The following GPR35 variants were observed in gnomAD, a reference collection of about 807,000 sequenced individuals.
GPR35 encodes KYNA receptor.
For synonymous variants in GPR35, 207 were observed against 198.4 expected, an observed-to-expected ratio of 1.04 and a Z score of -0.36; for missense variants, 372 against 422.5, an observed-to-expected ratio of 0.88 and a Z score of 1.05.
Position 240,630,565 on chromosome 2 carries a change from G to T in GPR35, c.613G>T (p.Asp205Tyr). ...TGCCCTGGCCCAGAGGCCACCCACC[G>T]ACGTGGGGCAGGCAGAGGCCACCCG... ...VTALAQRPPT[D>Y]VGQAEATRKA... Residue 205 changes from aspartate (D) to tyrosine (Y), a missense_variant, in exon 2 of 2, where the codon GAC becomes TAC. Asp to Tyr is a radical substitution (Grantham distance 160, BLOSUM62 -3). Transcript: ENST00000407714. 1 of 1,612,800 alleles carries T rather than the reference G, an allele frequency of 6.2e-7. No individual in the cohort carries two copies. Among genetic ancestry groups the T allele is most frequent in the Non-Finnish European group, 8.5e-7 (1 of 1,179,910 alleles).
At position 240,614,193 on chromosome 2, in the gene GPR35, C is replaced by G. The variant is rs778910276; in HGVS notation, c.-576-2195C>G. ...CAACCCAAACCCTAATCCTAAGTCT[C>G]ATGTTGACCATAACCTGGCTCAAAC... On this transcript the variant is annotated intron_variant, in intron 2 of 5. Coordinates refer to the GPR35 transcript ENST00000319838. Among the ~76,000 whole-genome samples, 4 of 152,148 alleles carry G rather than the reference C, an allele frequency of 2.6e-5. No individual in the cohort carries two copies. In the East Asian group the frequency reaches 7.7e-4, roughly 29 times the overall value.
At chr2:240,622,294 A>T (rs76463837), upstream of GPR35, among the ~76,000 whole-genome samples, 4,376 of 152,284 alleles carry the variant, frequency 0.029, 309 homozygotes, top group East Asian at 0.3. Context: ...AGCTGTAAAC[A>T]TCGTATGACC....
At position 240,630,602 on chromosome 2, in the gene GPR35, G is replaced by T. The variant is rs140850565; in HGVS notation, c.650G>T (p.Arg217Leu). 8 of 1,612,768 alleles carry T rather than the reference G, an allele frequency of 5.0e-6. No individual in the cohort carries two copies. Among genetic ancestry groups the T allele is most frequent in the South Asian group, 1.1e-5 (1 of 91,076 alleles). Residue 217 changes from arginine (R) to leucine (L), a missense_variant, in exon 2 of 2, where the codon CGC becomes CTC. Coordinates refer to ENST00000407714, the MANE Select transcript of GPR35 (RefSeq NM_005301.5). ...GCAGAGGCCACCCGCAAGGCTGCCC[G>T]CATGGTCTGGGCCAACCTCCTGGTG... ...GQAEATRKAA[R>L]MVWANLLVFV...
upstream of GPR35, among the ~76,000 whole-genome samples, chr2:240,623,087 A>G (rs184858032): frequency 8.9e-3 from 1,362 of 152,258 alleles, 18 homozygotes; most frequent in African/African-American, 0.03. Flanking sequence ...ACGACGACTG[A>G]GCACCTGATA....
At chr2:240,623,414 A>ATCGTGAGGGCGCAAACAGG (rs1559437664), upstream of GPR35, among the ~76,000 whole-genome samples, 2 of 28,212 alleles carry the variant, frequency 7.1e-5, no homozygotes, top group African/African-American at 1.4e-4. Context: ...GCGCAAACAG[A>ATCGTGAGGGCGCAAACAGG]TCGTGAGGGC....
Position 240,630,234 on chromosome 2 carries a change from C to T in GPR35, c.282C>T (p.Gly94=), listed in dbSNP as rs545267498. The T allele has an allele frequency of 1.9e-6, 3 of 1,566,030 alleles. No homozygotes were observed. The highest frequency in any genetic ancestry group is 1.7e-5 in the Admixed American group (1 of 58,520). The part of the protein sequence containing the change: ...SDTPLCQLSQ[G]IYLTNRYMSI... ...CGCCGCTGTGCCAGCTCTCCCAGGGCATCTACCTGACCAACAGGTACATGA... is the reference window on the plus strand; with the variant it reads ...CGCCGCTGTGCCAGCTCTCCCAGGGTATCTACCTGACCAACAGGTACATGA... Residue 94 remains glycine (G), a synonymous_variant, in exon 2 of 2, where the codon GGC becomes GGT. Coordinates refer to ENST00000407714, the MANE Select transcript of GPR35 (RefSeq NM_005301.5).
At chr2:240,625,422 C>T (rs745402783), upstream of GPR35, 5 of 985,424 alleles carry the variant, frequency 5.1e-6, no homozygotes, top group African/African-American at 7.0e-5. Flanking sequence ...CCCGCCCCCC[C>T]ACCTTAAGGA....
At chr2:240,612,287 T>C (rs1337161230) in intron 2 of GPR35, among the ~76,000 whole-genome samples, 2 of 146,836 alleles carry the variant, frequency 1.4e-5, no homozygotes, top group Admixed American at 6.7e-5. Context: ...ATTAGCCGGG[T>C]GTGGTGGCGG....
chr2:240,622,811 G>C (rs1232874231), upstream of GPR35, among the ~76,000 whole-genome samples: 4 of 152,234 alleles, frequency 2.6e-5, no homozygotes, highest in African/African-American at 9.6e-5. Flanking sequence ...GGGTGAGGGG[G>C]CAGCCTCGGA....
At chr2:240,620,541 C>T (rs1559436085), upstream of GPR35, among the ~76,000 whole-genome samples, 1 of 152,092 alleles carries the variant, frequency 6.6e-6, no homozygotes, top group Non-Finnish European at 1.5e-5. Context: ...CCCCTCCTGC[C>T]CCCATCGTGG....
upstream of GPR35, among the ~76,000 whole-genome samples, chr2:240,624,258 G>A (rs192929918): frequency 1.7e-3 from 212 of 121,972 alleles, 1 homozygote; most frequent in African/African-American, 5.2e-3. Flanking sequence ...CCTCCTGCCC[G>A]AGGATGAGGC....
intron 2 of GPR35, among the ~76,000 whole-genome samples, chr2:240,613,140 CAAG>C (rs542314420): frequency 5.9e-4 from 90 of 152,302 alleles, no homozygotes; most frequent in African/African-American, 2.1e-3. Flanking sequence ...GCTCAGTAAA[CAAG>C]AGCTCCAGAA....
intron 2 of GPR35, among the ~76,000 whole-genome samples, chr2:240,611,821 G>A (rs559185650): frequency 1.2e-4 from 18 of 152,316 alleles, no homozygotes; most frequent in Admixed American, 9.8e-4. Flanking sequence ...AAGGGCAGAG[G>A]GGTGACTGTT....
intron 5 of GPR35, among the ~76,000 whole-genome samples, chr2:240,619,411 G>A (rs2043269545): frequency 6.6e-6 from 1 of 152,260 alleles, no homozygotes. Flanking sequence ...CGGAGGAAGT[G>A]TCTCTGAAGG....
intron 3 of GPR35, chr2:240,616,856 A>G: frequency 1.4e-6 from 1 of 716,368 alleles, no homozygotes; most frequent in South Asian, 1.5e-5. Context: ...GGGTAGCCAG[A>G]TGCCATGCTG....
chr2:240,630,052 G>A lies in GPR35; in HGVS notation c.100G>A (p.Gly34Ser), dbSNP rs149363263. Residue 34 changes from glycine to serine, a missense_variant, in exon 2 of 2, where the codon GGC (glycine) becomes AGC (serine). Physicochemically the swap from Gly to Ser is moderately conservative, Grantham distance 56. Transcript: ENST00000407714. ...YAYLGVLLVL[G>S]LLLNSLALWV... The stretch of plus-strand genomic sequence containing the variant: ...CTACTTGGGCGTCCTGCTGGTGCTA[G>A]GCCTGCTGCTCAACAGCCTGGCGCT... The A allele has an allele frequency of 6.8e-6, 11 of 1,612,392 alleles. No individual in the cohort carries two copies. The African/African-American group carries it at 1.2e-4, about 18-fold the overall frequency.
chr2:240,620,667 C>T (rs144239678), upstream of GPR35, among the ~76,000 whole-genome samples: 5 of 152,218 alleles, frequency 3.3e-5, no homozygotes, highest in Non-Finnish European at 5.9e-5. Context: ...GTGGGGACCC[C>T]CTGTGGGGAT....
chr2:240,615,756 C>A (rs2043231075), intron 2 of GPR35, among the ~76,000 whole-genome samples: 2 of 152,230 alleles, frequency 1.3e-5, no homozygotes, highest in South Asian at 4.1e-4. Context: ...TCCTTAATTG[C>A]AACAAACAGG....
rs1272983864 is a variant in GPR35 at position 240,630,606 on chromosome 2, G to C, written c.654G>C (p.Met218Ile). 1 of 1,612,896 alleles carries C rather than the reference G, an allele frequency of 6.2e-7. No homozygotes were observed. Residue 218 changes from methionine (M) to isoleucine (I), a missense_variant, in exon 2 of 2, where the codon ATG becomes ATC. Met to Ile is a conservative substitution (Grantham distance 10, BLOSUM62 1). Transcript: ENST00000407714. ...AGGCCACCCGCAAGGCTGCCCGCAT[G>C]GTCTGGGCCAACCTCCTGGTGTTCG... ...QAEATRKAAR[M>I]VWANLLVFVV...
Sources: allele counts gnomAD v4.1 joint callset (sites outside exome capture counted in the v4.1 genomes callset), GRCh38; gene constraint gnomAD v4.1.1; transcripts MANE v1.5; gene names NCBI Gene and HGNC (gene_info 2026-07-23, HGNC 2026-07-21).